Variants in M1AP observed in about 807,000 individuals in gnomAD.
M1AP encodes meiosis 1 associated protein, also known as meiosis 1 arrest protein.
Under a neutral mutation model 51.2 loss-of-function variants are expected in M1AP, and 39 were observed. The observed-to-expected ratio is 0.76, with a 90% CI of 0.59 to 1.00. The LOEUF (loss-of-function observed/expected upper bound fraction) is 1.00. Ranked by LOEUF, M1AP falls within the 50% of genes least tolerant of loss-of-function variation. M1AP has a pLI of 0.00. For synonymous variants in M1AP, 251 were observed against 249.2 expected, an observed-to-expected ratio of 1.01 and a Z score of -0.07; for missense variants, 545 against 641.2, an observed-to-expected ratio of 0.85 and a Z score of 1.62.
chr2:74,640,815 T>C (rs1005326475), intron 1 of M1AP, among the ~76,000 whole-genome samples: 5 of 152,228 alleles, frequency 3.3e-5, no homozygotes. Flanking sequence ...CATGTAAGCC[T>C]GAGAATGCTT....
intron 2 of M1AP, among the ~76,000 whole-genome samples, chr2:74,623,228 G>A (rs1682171718): frequency 6.6e-6 from 1 of 152,134 alleles, no homozygotes; most frequent in African/African-American, 2.4e-5. Context: ...TAAGGGCTGG[G>A]TGCAGTGGCT....
At chr2:74,615,349 A>G in intron 2 of M1AP, 200 bp from the exon 3 acceptor site, 1 of 559,222 alleles carries the variant, frequency 1.8e-6, no homozygotes, top group Non-Finnish European at 3.2e-6. Flanking sequence ...GAAAATTTGC[A>G]GCCATAAAGG....
chr2:74,598,510 C>T (rs1205679841), intron 4 of M1AP, among the ~76,000 whole-genome samples: 1 of 151,756 alleles, frequency 6.6e-6, no homozygotes, highest in Non-Finnish European at 1.5e-5. Context: ...GCTTTTTTCT[C>T]AATATTGAAA....
chr2:74,610,378 A>G (rs902006991), intron 3 of M1AP, among the ~76,000 whole-genome samples: 1 of 151,744 alleles, frequency 6.6e-6, no homozygotes, highest in Non-Finnish European at 1.5e-5. Context: ...CCATTTGTCT[A>G]TTTTTGCTTT....
At position 74,604,009 on chromosome 2, in the gene M1AP, A is replaced by G. The variant is rs538423684; in HGVS notation, c.595+3046T>C. Among the ~76,000 whole-genome samples the G allele has an allele frequency of 2.6e-5, 4 of 152,326 alleles. No homozygotes were observed. The South Asian group carries it at 6.2e-4, about 24-fold the overall frequency. On this transcript the variant is annotated intron_variant, in intron 4 of 10. Transcript: ENST00000421985. ...GGGTGAACTGTAACTTGAATGTTGG[A>G]TGAATTAAAACTGGTCCCAAAGCCC...
intron 4 of M1AP, among the ~76,000 whole-genome samples, chr2:74,584,565 C>G (rs1276890327): frequency 6.6e-6 from 1 of 151,234 alleles, no homozygotes; most frequent in Non-Finnish European, 1.5e-5. Flanking sequence ...GTAAGTGTTT[C>G]TTTTCTTCTC....
At chr2:74,603,294 A>G (rs1056819675) in intron 4 of M1AP, among the ~76,000 whole-genome samples, 48 of 152,270 alleles carry the variant, frequency 3.2e-4, no homozygotes, top group Non-Finnish European at 1.3e-4. Context: ...CACAGAAATG[A>G]GTAAGACAAG....
intron 4 of M1AP, among the ~76,000 whole-genome samples, chr2:74,605,465 A>G (rs1680916365): frequency 6.6e-6 from 1 of 152,116 alleles, no homozygotes; most frequent in Admixed American, 6.5e-5. Context: ...TTGTTTTTTA[A>G]TTGTGGTAAG....
intron 2 of M1AP, among the ~76,000 whole-genome samples, chr2:74,626,780 T>C (rs1053531520): frequency 6.6e-6 from 1 of 152,228 alleles, no homozygotes; most frequent in Non-Finnish European, 1.5e-5. Context: ...ATAGCCTTTT[T>C]CCCAACTCAT....
chr2:74,615,429 A>G, intron 2 of M1AP: 1 of 353,734 alleles, frequency 2.8e-6, no homozygotes, highest in South Asian at 3.4e-5. Context: ...ACAAAGGGAA[A>G]TCCAGTTGTG....
intron 7 of M1AP, among the ~76,000 whole-genome samples, chr2:74,571,016 G>T (rs1678703277): frequency 6.6e-6 from 1 of 152,210 alleles, no homozygotes; most frequent in Non-Finnish European, 1.5e-5. Flanking sequence ...AGATGCTATA[G>T]GGATAGAATA....
intron 4 of M1AP, among the ~76,000 whole-genome samples, chr2:74,600,369 C>A (rs1246575581): frequency 6.6e-6 from 1 of 152,198 alleles, no homozygotes; most frequent in African/African-American, 2.4e-5. Flanking sequence ...GGCTTTAGTT[C>A]ACATATCTTT....
At chr2:74,641,996 C>G (rs1229847732) in intron 1 of M1AP, among the ~76,000 whole-genome samples, 2 of 151,974 alleles carry the variant, frequency 1.3e-5, no homozygotes, top group Admixed American at 1.3e-4. Flanking sequence ...CAGGCATGTG[C>G]CACCATGCCT....
At chr2:74,561,250 G>GAGGAGA (rs1677986064) in intron 8 of M1AP, among the ~76,000 whole-genome samples, 7 of 96,548 alleles carry the variant, frequency 7.3e-5, no homozygotes, top group East Asian at 2.9e-4. Flanking sequence ...GGAGGAGGAG[G>GAGGAGA]AGGAGGAGGA....
At position 74,559,510 on chromosome 2, in the gene M1AP, TTAA is replaced by T. The variant is rs201129971; in HGVS notation, c.1434+185_1434+187del. On this transcript the variant is annotated intron_variant, in intron 10 of 10. Coordinates refer to ENST00000421985, the MANE Select transcript of M1AP (RefSeq NM_001321739.2). ...GTGTTACTAAGAAACTGAGAAAAAG[TTAA>T]TAAGGGCAAAAGGAAGCCCAAATAT... Among the ~76,000 whole-genome samples the T allele has an allele frequency of 1.7e-3, 253 of 152,294 alleles. 5 individuals are homozygous for T. Among genetic ancestry groups the T allele is most frequent in the Admixed American group, 0.014 (212 of 15,300 alleles).
intron 3 of M1AP, among the ~76,000 whole-genome samples, chr2:74,609,080 T>G (rs889082160): frequency 6.6e-6 from 1 of 152,214 alleles, no homozygotes; most frequent in Non-Finnish European, 1.5e-5. Context: ...ATGAGAACAT[T>G]CAAAATCCTC....
rs1000884973 is a variant in M1AP, at chr2:74,558,416, A to G, written c.*300T>C. The G allele has an allele frequency of 1.8e-5, 6 of 337,300 alleles. No individual in the cohort carries two copies. The highest frequency in any genetic ancestry group is 1.1e-4 in the Admixed American group (2 of 18,096). 20.9% of individuals were successfully genotyped at this position (337,300 alleles called of 1,614,324 possible). A position where few individuals can be genotyped will look rare whatever the true frequency, so the allele number is the denominator to read the frequency against. On this transcript the variant is annotated 3_prime_UTR_variant, in exon 11 of 11. Coordinates refer to ENST00000421985, the MANE Select transcript of M1AP (RefSeq NM_001321739.2). The stretch of plus-strand genomic sequence containing the variant: ...CTACAAGAAGAAATTCTGAGTTATG[A>G]ATGCTCCTAACAATGGTAGAAGCTT...
chr2:74,640,109 A>T lies in M1AP; in HGVS notation c.167T>A (p.Met56Lys), dbSNP rs893991576. 9 of 1,614,086 alleles carry T rather than the reference A, an allele frequency of 5.6e-6. No homozygotes were observed. Among genetic ancestry groups the T allele is most frequent in the African/African-American group, 1.3e-5 (1 of 74,926 alleles). Residue 56 changes from methionine to lysine, a missense_variant, in exon 2 of 11, where the codon ATG (methionine) becomes AAG (lysine). Coordinates refer to ENST00000421985, the MANE Select transcript of M1AP (RefSeq NM_001321739.2). The stretch of plus-strand genomic sequence containing the variant: ...GAACAGGGACATGCGGCTGGGGCCC[A>T]TCAAGCTGCAGGCTAGAGAGAAGAA... Reference protein sequence around the residue: ...QNFFSLACSLMGPSRMSLFSL... With the variant: ...QNFFSLACSLKGPSRMSLFSL...
chr2:74,645,332 G>A (rs565553431), intron 1 of M1AP, among the ~76,000 whole-genome samples: 1 of 152,276 alleles, frequency 6.6e-6, no homozygotes, highest in Non-Finnish European at 1.5e-5. Context: ...CAGGGTCCGC[G>A]GCTTCATTCT....
Sources: gnomAD v4.1 joint callset for allele counts (sites outside exome capture counted in the v4.1 genomes callset) on GRCh38, gnomAD v4.1.1 for gene constraint, MANE v1.5 for transcripts, NCBI Gene and HGNC (gene_info 2026-07-23, HGNC 2026-07-21) for gene names.